Variants in ZBTB25 observed in about 807,000 individuals in gnomAD.
ZBTB25 encodes zinc finger and BTB domain-containing protein 25.
Under a neutral mutation model 34.2 loss-of-function variants are expected in ZBTB25, and 20 were observed. The observed-to-expected ratio is 0.58, with a 90% CI of 0.41 to 0.85. The LOEUF is 0.85. Among genes scored for constraint, ZBTB25 ranks in the 40% least tolerant of loss-of-function variants. The pLI is 0.00. For synonymous variants in ZBTB25, 175 were observed against 186.4 expected, an observed-to-expected ratio of 0.94 and a Z score of 0.50; for missense variants, 437 against 521.8, an observed-to-expected ratio of 0.84 and a Z score of 1.58.
rs2078938276 is a variant in ZBTB25 at position 64,487,994 on chromosome 14, A to G, written c.237T>C (p.Ile79=). 2 of 1,614,154 alleles carry G rather than the reference A, an allele frequency of 1.2e-6. No homozygotes were observed. Among genetic ancestry groups the G allele is most frequent in the Admixed American group, 1.7e-5 (1 of 60,018 alleles). The change falls in exon 3 of 3, where the codon ATT becomes ATC. Residue 79 remains isoleucine (I), a synonymous_variant. Coordinates refer to ENST00000608382, the MANE Select transcript of ZBTB25 (RefSeq NM_006977.5). ...QPDIFSYLLH[I]MYTGKGPKQI... Reference sequence around the variant, plus strand: ...GTTTTGGCCCTTTCCCCGTGTACATAATGTGCAACAAATAGCTGAATATGT... The same window carrying G: ...GTTTTGGCCCTTTCCCCGTGTACATGATGTGCAACAAATAGCTGAATATGT...
rs1486365710 is a variant in ZBTB25 at position 64,479,013 on chromosome 14, A to G, written c.*7910T>C. On this transcript the variant is annotated 3_prime_UTR_variant, in exon 3 of 3. Coordinates refer to ENST00000608382, the MANE Select transcript of ZBTB25 (RefSeq NM_006977.5). ...GCTGATTAATACATCTCTGATTTTT[A>G]ATAATCACATTTTTTCCTTTTATTT... 6.6e-6 allele frequency: 1 copy of G among 152,210 alleles called. No homozygotes were observed. Among genetic ancestry groups the G allele is most frequent in the Non-Finnish European group, 1.5e-5 (1 of 68,028 alleles). The allele number at this position is 152,210 out of a possible 1,614,324, so 9.4% of individuals were successfully genotyped here.
In ZBTB25 at chr14:64,487,987, T is replaced by C. The variant is rs1287457000; in HGVS notation, c.244A>G (p.Thr82Ala). The C allele has an allele frequency of 1.9e-6, 3 of 1,614,052 alleles. No homozygotes were observed. The East Asian group carries it at 6.7e-5, about 36-fold the overall frequency. ...ACAATCTGTTTTGGCCCTTTCCCCGTGTACATAATGTGCAACAAATAGCTG... is the reference window on the plus strand; with the variant it reads ...ACAATCTGTTTTGGCCCTTTCCCCGCGTACATAATGTGCAACAAATAGCTG... ...IFSYLLHIMY[T>A]GKGPKQIVDH... The change falls in exon 3 of 3, where the codon ACG becomes GCG. Residue 82 changes from threonine (T) to alanine (A), a missense_variant. By Grantham distance (58) the Thr-to-Ala change is moderately conservative. Coordinates refer to ENST00000608382, the MANE Select transcript of ZBTB25 (RefSeq NM_006977.5).
At chr14:64,468,289 G>A (rs2078632082) in intron 2 of ZBTB25, 3 of 1,092,082 alleles carry the variant, frequency 2.7e-6, no homozygotes, top group Admixed American at 5.9e-5. Flanking sequence ...GAATATGCCT[G>A]GAAGAAATTT....
chr14:64,500,558 G>A (rs542900215), intron 1 of ZBTB25, among the ~76,000 whole-genome samples: 2 of 151,386 alleles, frequency 1.3e-5, no homozygotes, highest in African/African-American at 4.8e-5. Context: ...AGCACTTTAG[G>A]AGGCCGAGGA....
rs2078846192 is a variant in ZBTB25 at position 64,485,321 on chromosome 14, G to A, written c.*1602C>T. The A allele has an allele frequency of 8.1e-6, 8 of 985,334 alleles. No homozygotes were observed. The highest frequency in any genetic ancestry group is 9.6e-6 in the Non-Finnish European group (8 of 829,940). 61.0% of individuals were successfully genotyped at this position (985,334 alleles called of 1,614,324 possible). A position where few individuals can be genotyped will look rare whatever the true frequency, so the allele number is the denominator to read the frequency against. ...TAAGGCTCACAAACCAAATTTTTTAGATGTATTCAAATGCCCGTGAAGCTT... is the reference window on the plus strand; with the variant it reads ...TAAGGCTCACAAACCAAATTTTTTAAATGTATTCAAATGCCCGTGAAGCTT... On this transcript the variant is annotated 3_prime_UTR_variant, in exon 3 of 3. Coordinates refer to ENST00000608382, the MANE Select transcript of ZBTB25 (RefSeq NM_006977.5).
rs1315425542 is a variant in ZBTB25, at chr14:64,481,979, C to G, written c.*4944G>C. ...GGACATTTATCAAGTATCTGACTCA[C>G]AACATCAAGAATGTGCCTGTACAAA... On this transcript the variant is annotated 3_prime_UTR_variant, in exon 3 of 3. Transcript: ENST00000608382. The G allele has an allele frequency of 6.6e-6, 1 of 152,226 alleles. No homozygotes were observed. Among genetic ancestry groups the G allele is most frequent in the Non-Finnish European group, 1.5e-5 (1 of 68,036 alleles). The allele number at this position is 152,226 out of a possible 1,614,324, so 9.4% of individuals were successfully genotyped here.
Position 64,480,322 on chromosome 14 carries a change from C to CAAAAAAAAAAA in ZBTB25, c.*6590_*6600dup, listed in dbSNP as rs745930738. ...TGGGCAACAGAGCAAGACTCCATCT[C>CAAAAAAAAAAA]AAAAAAAAAAAAAAAAAAAAAAAAG... On this transcript the variant is annotated 3_prime_UTR_variant, in exon 3 of 3. Transcript: ENST00000608382. The CAAAAAAAAAAA allele has an allele frequency of 6.3e-5, 13 of 207,416 alleles. No homozygotes were observed. Among genetic ancestry groups the CAAAAAAAAAAA allele is most frequent in the South Asian group, 6.4e-5 (2 of 31,090 alleles). The allele number at this position is 207,416 out of a possible 1,614,324, so 12.8% of individuals were successfully genotyped here. A position where few individuals can be genotyped will look rare whatever the true frequency, so the allele number is the denominator to read the frequency against.
intron 1 of ZBTB25, among the ~76,000 whole-genome samples, chr14:64,491,032 G>C (rs942044045): frequency 6.6e-6 from 1 of 152,194 alleles, no homozygotes. Context: ...CTCCTCCTCA[G>C]GGATCCTCTG....
downstream of ZBTB25, among the ~76,000 whole-genome samples, chr14:64,474,751 G>C (rs754719372): frequency 6.6e-6 from 1 of 152,152 alleles, no homozygotes; most frequent in Non-Finnish European, 1.5e-5. Context: ...TTGTGAATTT[G>C]ACAAAAGCAC....
chr14:64,459,904 T>G, intron 2 of ZBTB25: 2 of 1,535,978 alleles, frequency 1.3e-6, no homozygotes, highest in South Asian at 2.4e-5. Context: ...TCCCCAGAAG[T>G]CATTTTCAGC....
At chr14:64,503,856 T>G (rs1283866776), upstream of ZBTB25, 1 of 152,370 alleles carries the variant, frequency 6.6e-6, no homozygotes, top group African/African-American at 2.4e-5. Flanking sequence ...AGGGCCGGGG[T>G]GTGCGTGCGT....
Position 64,468,797 on chromosome 14 carries a change from G to T in ZBTB25, c.174-19159C>A. 1 of 1,614,114 alleles carries T rather than the reference G, an allele frequency of 6.2e-7. No homozygotes were observed. Among genetic ancestry groups the T allele is most frequent in the Admixed American group, 1.7e-5 (1 of 60,018 alleles). On this transcript the variant is annotated intron_variant, in intron 2 of 2. Transcript: ENST00000555220. ...GATTCCCTGCATAAAATTCCCAAGA[G>T]GGCCAAAAAGGAGTAATCATTCCAA...
intron 1 of ZBTB25, among the ~76,000 whole-genome samples, chr14:64,491,664 G>A (rs766838493): frequency 5.3e-5 from 8 of 152,218 alleles, no homozygotes; most frequent in Non-Finnish European, 8.8e-5. Context: ...GTTTCAGGCA[G>A]GTGGCAGACT....
chr14:64,504,844 C>CGCCACT (rs1043114044), upstream of ZBTB25: 10 of 395,706 alleles, frequency 2.5e-5, no homozygotes, highest in African/African-American at 4.1e-5. Flanking sequence ...CGCGCGCCGC[C>CGCCACT]GCCACTGCAG....
At chr14:64,490,709 G>A (rs1490177769) in intron 1 of ZBTB25, among the ~76,000 whole-genome samples, 169 bp from the exon 2 acceptor site, 4 of 152,178 alleles carry the variant, frequency 2.6e-5, no homozygotes, top group East Asian at 3.9e-4. Flanking sequence ...CTGCAAACAC[G>A]GCTAACACTA....
At chr14:64,449,315 C>T in exon 3 of ZBTB25, 2 of 1,117,016 alleles carry the variant, frequency 1.8e-6, no homozygotes, top group Non-Finnish European at 2.7e-6. Context: ...GAGATTCAAA[C>T]CCAGGCCAAA....
chr14:64,477,065 CT>C (rs2078726881), downstream of ZBTB25, among the ~76,000 whole-genome samples: 1 of 152,228 alleles, frequency 6.6e-6, no homozygotes, highest in Non-Finnish European at 1.5e-5. Context: ...AATTTTAAAT[CT>C]TATTCTGATT....
At chr14:64,464,036 ATTT>A (rs3062428) in intron 2 of ZBTB25, among the ~76,000 whole-genome samples, 3 of 145,608 alleles carry the variant, frequency 2.1e-5, no homozygotes, top group East Asian at 2.0e-4. Flanking sequence ...GGCTGACTGA[ATTT>A]TTTTTTTTTT....
downstream of ZBTB25, among the ~76,000 whole-genome samples, chr14:64,477,790 T>C (rs1770470935): frequency 6.6e-6 from 1 of 152,234 alleles, no homozygotes; most frequent in Admixed American, 6.5e-5. Flanking sequence ...AGAAAAAATG[T>C]GGCAGTGCTA....
Sources: gnomAD v4.1 joint callset for allele counts (sites outside exome capture counted in the v4.1 genomes callset) on GRCh38, gnomAD v4.1.1 for gene constraint, MANE v1.5 for transcripts, NCBI Gene and HGNC (gene_info 2026-07-23, HGNC 2026-07-21) for gene names.